Variants in UXS1 observed in about 807,000 individuals in gnomAD.
UXS1 encodes UDP-glucuronate decarboxylase 1.
UXS1 carries 33 observed loss-of-function variants against 62.6 expected under a neutral mutation model. The observed-to-expected ratio is 0.53, with a 90% CI of 0.40 to 0.70. UXS1 has a LOEUF of 0.70. Among genes scored for constraint, UXS1 ranks in the 30% least tolerant of loss-of-function variants. The probability of loss-of-function intolerance (pLI) is 0.00; values close to 1 mark genes in which losing one functional copy is unlikely to be tolerated. For synonymous variants in UXS1, 213 were observed against 206.8 expected (o/e 1.03, Z -0.26); for missense variants, 434 against 556.3 (o/e 0.78, Z 2.21).
intron 2 of UXS1, among the ~76,000 whole-genome samples, chr2:106,165,213 C>T (rs972886480): frequency 5.3e-5 from 8 of 152,278 alleles, no homozygotes; most frequent in African/African-American, 1.9e-4. Context: ...GAGCACCCCA[C>T]CTAGTCATAC....
chr2:106,093,465 T>C lies in UXS1; in HGVS notation c.*561A>G, dbSNP rs1057513410. On this transcript the variant is annotated 3_prime_UTR_variant, in exon 15 of 15. Coordinates refer to ENST00000283148, the MANE Select transcript of UXS1 (RefSeq NM_001253875.2). ...CTTGATCATGACCAACAGGAATATT[T>C]CAAAGTCAAGTTTGCAACTCAAAAG... 1 of 152,170 alleles carries C rather than the reference T, an allele frequency of 6.6e-6. No individual in the cohort carries two copies. The highest frequency in any genetic ancestry group is 2.4e-5 in the African/African-American group (1 of 41,258). The allele number at this position is 152,170 out of a possible 1,614,324, so 9.4% of individuals were successfully genotyped here.
At chr2:106,170,349 C>A (rs1258328919) in intron 1 of UXS1, among the ~76,000 whole-genome samples, 1 of 152,144 alleles carries the variant, frequency 6.6e-6, no homozygotes, top group African/African-American at 2.4e-5. Context: ...CCTGTGTGGC[C>A]AAGGTCTGCT....
At chr2:106,111,424 T>G (rs1050929853) in intron 10 of UXS1, among the ~76,000 whole-genome samples, 3 of 152,204 alleles carry the variant, frequency 2.0e-5, no homozygotes, top group Non-Finnish European at 2.9e-5. Context: ...GAAACTCAGC[T>G]ATACAATGCA....
chr2:106,123,684 C>T (rs1679707894), intron 8 of UXS1, among the ~76,000 whole-genome samples: 1 of 152,172 alleles, frequency 6.6e-6, no homozygotes, highest in African/African-American at 2.4e-5. Context: ...ATAAATCAAT[C>T]ACACTTTAAG....
At chr2:106,157,817 G>T (rs1460766700) in intron 5 of UXS1, among the ~76,000 whole-genome samples, 1 of 152,158 alleles carries the variant, frequency 6.6e-6, no homozygotes. Context: ...TAGTTTTAGT[G>T]GTTTCCCAGA....
At chr2:106,115,346 CCT>C (rs1678975927) in intron 9 of UXS1, among the ~76,000 whole-genome samples, 2 of 152,346 alleles carry the variant, frequency 1.3e-5, no homozygotes, top group African/African-American at 4.8e-5. Flanking sequence ...TTCATGAACC[CCT>C]GACTCCCACA....
chr2:106,162,594 A>G (rs1317918607), intron 4 of UXS1, among the ~76,000 whole-genome samples: 1 of 152,248 alleles, frequency 6.6e-6, no homozygotes, highest in African/African-American at 2.4e-5. Context: ...TATCAAAGGC[A>G]GATTTTCTGG....
chr2:106,152,593 AG>A (rs1459940189), intron 5 of UXS1, among the ~76,000 whole-genome samples: 2 of 151,990 alleles, frequency 1.3e-5, no homozygotes, highest in African/African-American at 4.8e-5. Context: ...AAGAAAGAAA[AG>A]AAAAGAAAAA....
intron 7 of UXS1, among the ~76,000 whole-genome samples, chr2:106,126,664 ATTTT>A (rs1176963021): frequency 2.0e-5 from 3 of 152,122 alleles, no homozygotes; most frequent in Non-Finnish European, 4.4e-5. Context: ...TCCTGATTAA[ATTTT>A]TTGAGATATT....
At chr2:106,194,001 T>G in intron 1 of UXS1, 147 bp downstream of exon 1, 1 of 463,712 alleles carries the variant, frequency 2.2e-6, no homozygotes, top group Non-Finnish European at 3.4e-6. Context: ...TGGAAAGGGG[T>G]GGGAGCAGAA....
chr2:106,185,826 C>T (rs933678717), intron 1 of UXS1, among the ~76,000 whole-genome samples: 6 of 152,282 alleles, frequency 3.9e-5, no homozygotes, highest in Non-Finnish European at 7.3e-5. Context: ...GCCATGTCAC[C>T]GCAGAGGCTG....
chr2:106,187,742 C>CTTT (rs1342715749), intron 1 of UXS1, among the ~76,000 whole-genome samples: 2 of 139,474 alleles, frequency 1.4e-5, no homozygotes, highest in Non-Finnish European at 3.1e-5. Context: ...CTGTAATTTC[C>CTTT]TTTTTTTTTT....
chr2:106,101,302 T>A, intron 11 of UXS1, 184 bp from the exon 12 acceptor site: 1 of 604,022 alleles, frequency 1.7e-6, no homozygotes, highest in Non-Finnish European at 2.8e-6. Context: ...CGAAAGTATT[T>A]ATGGATGAAA....
chr2:106,116,089 C>T (rs737101), intron 9 of UXS1, among the ~76,000 whole-genome samples: 88,164 of 151,962 alleles, frequency 0.58, 25,872 homozygotes, highest in South Asian at 0.64. Flanking sequence ...GGTCCTGAGA[C>T]GTGGAGCCAA....
intron 5 of UXS1, among the ~76,000 whole-genome samples, chr2:106,154,714 T>C (rs1460914538): frequency 3.3e-5 from 5 of 152,230 alleles, no homozygotes; most frequent in Admixed American, 2.6e-4. Flanking sequence ...CTGCAAGTCC[T>C]AGGAAATTCA....
chr2:106,143,529 G>C (rs911610740), intron 6 of UXS1, among the ~76,000 whole-genome samples: 12 of 148,310 alleles, frequency 8.1e-5, no homozygotes, highest in Non-Finnish European at 1.8e-4. Flanking sequence ...ATCAAATTTA[G>C]AGGCTCAAAA....
intron 5 of UXS1, among the ~76,000 whole-genome samples, chr2:106,148,353 C>T (rs1450012207): frequency 1.3e-5 from 2 of 152,212 alleles, no homozygotes; most frequent in African/African-American, 2.4e-5. Context: ...ATGATTTTTA[C>T]ATTTAAAAAC....
intron 6 of UXS1, among the ~76,000 whole-genome samples, chr2:106,142,746 C>T (rs937121380): frequency 2.0e-5 from 3 of 152,180 alleles, no homozygotes; most frequent in African/African-American, 4.8e-5. Context: ...TGAGGACCCG[C>T]TGAAGGAGAA....
chr2:106,172,084 CAAGTT>C (rs1160416407), intron 1 of UXS1, among the ~76,000 whole-genome samples: 16 of 152,364 alleles, frequency 1.1e-4, no homozygotes, highest in African/African-American at 3.8e-4. Context: ...TGCGGATGCA[CAAGTT>C]AAGACCCTGC....
Sources: gnomAD v4.1 joint callset for allele counts (sites outside exome capture counted in the v4.1 genomes callset) on GRCh38, gnomAD v4.1.1 for gene constraint, MANE v1.5 for transcripts, NCBI Gene and HGNC (gene_info 2026-07-23, HGNC 2026-07-21) for gene names.